MAMDC2: variants seen among roughly 807,000 people sequenced by gnomAD.
MAMDC2 encodes the protein MAM domain-containing protein 2.
In MAMDC2, 57 loss-of-function variants were observed where a neutral mutation model predicts 89.8. The ratio of observed to expected loss-of-function variants is 0.63; its 90% CI spans 0.51 to 0.79. The LOEUF is 0.79. Among genes scored for constraint, MAMDC2 ranks in the 30% least tolerant of loss-of-function variants. MAMDC2 has a pLI of 0.00. For missense variants in MAMDC2, 800 were observed against 820.6 expected, an observed-to-expected ratio of 0.97 and a Z score of 0.31; for synonymous variants, 313 against 293.4, an observed-to-expected ratio of 1.07 and a Z score of -0.68.
In MAMDC2 at chr9:70,151,024, T is replaced by C. The variant is rs149131268; in HGVS notation, c.1404+7205T>C. 2.9e-3 allele frequency among the ~76,000 whole-genome samples: 439 copies of C among 152,324 alleles called. 2 individuals are homozygous for C. The highest frequency in any genetic ancestry group is 0.01 in the African/African-American group (420 of 41,566). On this transcript the variant is annotated intron_variant, in intron 9 of 13. Transcript: ENST00000377182. ...ACTTTGCTGGCTTCATCTGCCTTCATTCTGCCACATTCATAGAGTCCCACA... is the reference window on the plus strand; with the variant it reads ...ACTTTGCTGGCTTCATCTGCCTTCACTCTGCCACATTCATAGAGTCCCACA...
chr9:70,153,459 T>C (rs2031644360), intron 9 of MAMDC2: 1 of 152,252 alleles, frequency 6.6e-6, no homozygotes, highest in African/African-American at 2.4e-5. Context: ...GTAGCATACA[T>C]ATTAGATCCT....
chr9:70,200,806 T>G (rs1418462197), intron 11 of MAMDC2, among the ~76,000 whole-genome samples: 1 of 150,838 alleles, frequency 6.6e-6, no homozygotes, highest in Non-Finnish European at 1.5e-5. Flanking sequence ...TGTATTCTCT[T>G]TGAAGCAATT....
At chr9:70,057,500 G>A (rs895796730) in intron 2 of MAMDC2, among the ~76,000 whole-genome samples, 2 of 152,088 alleles carry the variant, frequency 1.3e-5, no homozygotes, top group Non-Finnish European at 2.9e-5. Context: ...AGATGAAAAG[G>A]GTGCAAAATG....
intron 2 of MAMDC2, among the ~76,000 whole-genome samples, chr9:70,073,956 TG>T (rs1463476095): frequency 2.6e-5 from 4 of 152,232 alleles, no homozygotes; most frequent in Non-Finnish European, 5.9e-5. Context: ...CTTAAACTCT[TG>T]GGGTCATGAG....
intron 11 of MAMDC2, among the ~76,000 whole-genome samples, chr9:70,195,942 TAA>T (rs575948450): frequency 5.3e-5 from 8 of 152,228 alleles, no homozygotes; most frequent in African/African-American, 1.9e-4. Flanking sequence ...ACTCTGCTAA[TAA>T]AGACATACTT....
At chr9:70,153,668 G>A (rs1043568821) in intron 9 of MAMDC2, 2 of 152,044 alleles carry the variant, frequency 1.3e-5, no homozygotes, top group African/African-American at 4.8e-5. Flanking sequence ...CAGCCCAGCA[G>A]TCATTAAAAT....
chr9:70,194,893 C>G (rs1400668808), intron 11 of MAMDC2, among the ~76,000 whole-genome samples: 2 of 151,960 alleles, frequency 1.3e-5, no homozygotes, highest in African/African-American at 2.4e-5. Flanking sequence ...GAACCTTAGG[C>G]CAGTATTACC....
chr9:70,181,013 T>C (rs906045353), intron 11 of MAMDC2, among the ~76,000 whole-genome samples: 2 of 152,240 alleles, frequency 1.3e-5, no homozygotes, highest in African/African-American at 4.8e-5. Context: ...TTAATCCAAC[T>C]TGAGTTAATT....
intron 5 of MAMDC2, 89 bp from the exon 6 acceptor site, chr9:70,126,070 A>G: frequency 7.3e-7 from 1 of 1,369,792 alleles, no homozygotes; most frequent in Non-Finnish European, 1.0e-6. Flanking sequence ...TGGATTATTT[A>G]GAATGCAGAA....
intron 12 of MAMDC2, among the ~76,000 whole-genome samples, chr9:70,224,680 C>G (rs986029479): frequency 2.0e-5 from 3 of 152,144 alleles, no homozygotes; most frequent in African/African-American, 7.2e-5. Flanking sequence ...CTTTCTCAGT[C>G]CACCAATTCA....
intron 5 of MAMDC2, among the ~76,000 whole-genome samples, chr9:70,120,444 G>A (rs1209177609): frequency 2.6e-5 from 4 of 152,148 alleles, no homozygotes; most frequent in South Asian, 4.1e-4. Context: ...TTAGATCAAG[G>A]TAAGAAAAGG....
intron 11 of MAMDC2, among the ~76,000 whole-genome samples, chr9:70,208,065 T>C (rs2033267498): frequency 6.6e-6 from 1 of 152,236 alleles, no homozygotes; most frequent in African/African-American, 2.4e-5. Context: ...TCCGGTAGCG[T>C]AATGCTTCCA....
intron 12 of MAMDC2, among the ~76,000 whole-genome samples, chr9:70,221,407 A>AGAGAGAGAGAGAGG (rs1491076799): frequency 8.3e-6 from 1 of 119,900 alleles, no homozygotes; most frequent in Admixed American, 8.7e-5. Flanking sequence ...AGAGAGAGAG[A>AGAGAGAGAGAGAGG]GTAACATCAG....
At chr9:70,105,697 T>G (rs1307127097) in intron 2 of MAMDC2, among the ~76,000 whole-genome samples, 1 of 152,214 alleles carries the variant, frequency 6.6e-6, no homozygotes, top group Non-Finnish European at 1.5e-5. Context: ...TTTTAAATAG[T>G]ACATTTTATA....
At chr9:70,077,984 G>T (rs1212144076) in intron 2 of MAMDC2, among the ~76,000 whole-genome samples, 3 of 151,602 alleles carry the variant, frequency 2.0e-5, no homozygotes, top group Admixed American at 6.6e-5. Context: ...TTGAAACTCA[G>T]AATCAATTAA....
chr9:70,097,972 T>C (rs1828071011), intron 2 of MAMDC2, among the ~76,000 whole-genome samples: 1 of 152,150 alleles, frequency 6.6e-6, no homozygotes, highest in South Asian at 2.1e-4. Context: ...ACATATGCCT[T>C]GCGAAACTCC....
chr9:70,135,744 T>G (rs1178464334), intron 7 of MAMDC2, among the ~76,000 whole-genome samples: 1 of 152,150 alleles, frequency 6.6e-6, no homozygotes, highest in Non-Finnish European at 1.5e-5. Context: ...CCAGAGTCCA[T>G]AGTTTAGATT....
chr9:70,046,079 G>A (rs554542514), intron 2 of MAMDC2, among the ~76,000 whole-genome samples: 2 of 152,172 alleles, frequency 1.3e-5, no homozygotes, highest in Non-Finnish European at 1.5e-5. Context: ...GAAATGCCAC[G>A]AGACTGGCTT....
At chr9:70,107,197 C>T (rs746723831) in intron 2 of MAMDC2, among the ~76,000 whole-genome samples, 1 of 151,966 alleles carries the variant, frequency 6.6e-6, no homozygotes, top group Non-Finnish European at 1.5e-5. Flanking sequence ...ACATAGGAAA[C>T]CAGATGGCCA....
Sources: gnomAD v4.1 joint callset for allele counts (sites outside exome capture counted in the v4.1 genomes callset) on GRCh38, gnomAD v4.1.1 for gene constraint, MANE v1.5 for transcripts, NCBI Gene and HGNC (gene_info 2026-07-23, HGNC 2026-07-21) for gene names.